Variants in HPSE2 observed in about 807,000 individuals in gnomAD.
HPSE2 encodes heparanase 2 (inactive).
In HPSE2, 38 loss-of-function variants were observed where a neutral mutation model predicts 60.5. That is an observed-to-expected ratio of 0.63 (90% CI 0.48 to 0.82). The LOEUF is 0.82. Ranked by LOEUF, HPSE2 falls within the 40% of genes least tolerant of loss-of-function variation. The probability of loss-of-function intolerance (pLI) is 0.00; values close to 1 mark genes in which losing one functional copy is unlikely to be tolerated. For synonymous variants in HPSE2, 295 were observed against 293.2 expected (o/e 1.01, Z -0.06); for missense variants, 713 against 740.4 (o/e 0.96, Z 0.43).
chr10:99,160,225 C>T (rs954046159), intron 2 of HPSE2, among the ~76,000 whole-genome samples: 4 of 151,638 alleles, frequency 2.6e-5, no homozygotes, highest in Non-Finnish European at 4.4e-5. Context: ...GAATGTTTTA[C>T]ACCTTGATAA....
chr10:99,232,256 C>CAG (rs71488884), intron 2 of HPSE2, 92 bp downstream of exon 2: 1 of 1,364,534 alleles, frequency 7.3e-7, no homozygotes, highest in Non-Finnish European at 1.0e-6. Context: ...CACACACACA[C>CAG]GAACACACAG....
At position 99,076,834 on chromosome 10, in the gene HPSE2, T is replaced by A. The variant is rs544774077; in HGVS notation, c.610+67404A>T. Among the ~76,000 whole-genome samples, 3 of 152,364 alleles carry A rather than the reference T, an allele frequency of 2.0e-5. No homozygotes were observed. In the East Asian group the frequency reaches 5.8e-4, roughly 29 times the overall value. ...ACATTTTCCTATGCTTTTGTATTAC[T>A]GTTAGGTGTCCTTTTGTTTTCACTT... On this transcript the variant is annotated intron_variant, in intron 3 of 11. Transcript: ENST00000370552.
At chr10:99,086,070 C>T (rs1843304955) in intron 3 of HPSE2, among the ~76,000 whole-genome samples, 1 of 152,152 alleles carries the variant, frequency 6.6e-6, no homozygotes. Flanking sequence ...CTCTTTCACC[C>T]CCACTTCATT....
At chr10:99,149,421 G>C (rs965806232) in intron 2 of HPSE2, among the ~76,000 whole-genome samples, 1 of 152,136 alleles carries the variant, frequency 6.6e-6, no homozygotes, top group South Asian at 2.1e-4. Flanking sequence ...CACAGGTTTC[G>C]AATTCAAATA....
intron 9 of HPSE2, among the ~76,000 whole-genome samples, chr10:98,572,289 T>C (rs1187793786): frequency 6.6e-6 from 1 of 152,218 alleles, no homozygotes; most frequent in Non-Finnish European, 1.5e-5. Flanking sequence ...AAAACTTCTT[T>C]CTAAATATAG....
intron 9 of HPSE2, among the ~76,000 whole-genome samples, chr10:98,600,886 T>C (rs1178603651): frequency 2.7e-4 from 36 of 131,322 alleles, no homozygotes; most frequent in African/African-American, 1.0e-3. Context: ...TATATATACA[T>C]ATATACGTAT....
chr10:98,485,832 C>T (rs894717254), intron 10 of HPSE2, among the ~76,000 whole-genome samples: 5 of 147,998 alleles, frequency 3.4e-5, no homozygotes, highest in African/African-American at 1.2e-4. Flanking sequence ...CACATGCTTG[C>T]ATTTATGAGT....
At chr10:99,102,426 A>C (rs1844041520) in intron 3 of HPSE2, among the ~76,000 whole-genome samples, 1 of 152,212 alleles carries the variant, frequency 6.6e-6, no homozygotes, top group African/African-American at 2.4e-5. Context: ...CCCAAGACTA[A>C]ACCAGGAAGA....
At chr10:99,114,976 TG>T (rs1844623462) in intron 3 of HPSE2, among the ~76,000 whole-genome samples, 1 of 151,906 alleles carries the variant, frequency 6.6e-6, no homozygotes, top group Non-Finnish European at 1.5e-5. Context: ...TAGTTTTTTT[TG>T]TTTGCTTGTT....
chr10:99,262,949 T>C, the HPSE2 span, among the ~76,000 whole-genome samples: 1 of 152,302 alleles, frequency 6.6e-6, no homozygotes, highest in Non-Finnish European at 1.5e-5. Context: ...CCCAACCTTC[T>C]TTGTTACACA....
chr10:98,985,286 T>G (rs1956313666), intron 3 of HPSE2, among the ~76,000 whole-genome samples: 2 of 152,198 alleles, frequency 1.3e-5, no homozygotes, highest in South Asian at 2.1e-4. Context: ...GACTAACAGC[T>G]GATCTCTTGG....
At chr10:98,967,183 G>A (rs1463509766) in intron 3 of HPSE2, among the ~76,000 whole-genome samples, 1 of 152,184 alleles carries the variant, frequency 6.6e-6, no homozygotes, top group Non-Finnish European at 1.5e-5. Flanking sequence ...AGATAATGGA[G>A]CTGGGTATAA....
chr10:98,497,659 A>T (rs968351607), intron 9 of HPSE2, among the ~76,000 whole-genome samples: 2 of 152,200 alleles, frequency 1.3e-5, no homozygotes, highest in Admixed American at 6.5e-5. Flanking sequence ...GGTGCATGCA[A>T]TAATTTAATT....
intron 9 of HPSE2, among the ~76,000 whole-genome samples, chr10:98,537,886 A>G (rs759941035): frequency 2.3e-4 from 35 of 152,332 alleles, no homozygotes; most frequent in Non-Finnish European, 4.1e-4. Context: ...TGTTCCTCCC[A>G]TACTCCTGGT....
At chr10:98,893,516 C>A (rs1953397497) in intron 3 of HPSE2, among the ~76,000 whole-genome samples, 1 of 152,108 alleles carries the variant, frequency 6.6e-6, no homozygotes, top group Non-Finnish European at 1.5e-5. Context: ...ATAAGAAAGT[C>A]ATGGGCTAGG....
At chr10:99,178,033 C>T (rs1381759595) in intron 2 of HPSE2, among the ~76,000 whole-genome samples, 1 of 151,806 alleles carries the variant, frequency 6.6e-6, no homozygotes, top group Non-Finnish European at 1.5e-5. Context: ...GGGTAAATAA[C>T]TAAATGAAGG....
intron 3 of HPSE2, among the ~76,000 whole-genome samples, chr10:98,790,086 A>G (rs1299501465): frequency 6.6e-6 from 1 of 152,222 alleles, no homozygotes; most frequent in Non-Finnish European, 1.5e-5. Flanking sequence ...TGATCCATGA[A>G]CCAAGATAAA....
chr10:98,622,316 A>T (rs889980040), intron 7 of HPSE2, among the ~76,000 whole-genome samples: 3 of 152,226 alleles, frequency 2.0e-5, no homozygotes, highest in African/African-American at 7.2e-5. Context: ...CATGCCTCTT[A>T]AGAACATATA....
chr10:98,900,489 A>G (rs891932223), intron 3 of HPSE2, among the ~76,000 whole-genome samples: 1 of 152,180 alleles, frequency 6.6e-6, no homozygotes, highest in Non-Finnish European at 1.5e-5. Flanking sequence ...ACATGTTCAT[A>G]CAAATGTATG....
Sources: gnomAD v4.1 joint callset for allele counts (sites outside exome capture counted in the v4.1 genomes callset) on GRCh38, gnomAD v4.1.1 for gene constraint, MANE v1.5 for transcripts, NCBI Gene and HGNC (gene_info 2026-07-23, HGNC 2026-07-21) for gene names.